Variants in RABEP2 observed in about 807,000 individuals in gnomAD.
RABEP2 encodes rabaptin, RAB GTPase binding effector protein 2.
Under a neutral mutation model 74.1 loss-of-function variants are expected in RABEP2, and 57 were observed. The ratio of observed to expected loss-of-function variants is 0.77; its 90% CI spans 0.62 to 0.96. The LOEUF (loss-of-function observed/expected upper bound fraction) is 0.96. RABEP2 is among the 40% of genes least tolerant of loss of function. RABEP2 has a pLI of 0.00. For missense variants in RABEP2, 692 were observed against 756.3 expected (o/e 0.91, Z 1.00); for synonymous variants, 351 against 344.0 (o/e 1.02, Z -0.23).
At chr16:28,905,568 G>A in intron 11 of RABEP2, 55 bp from the exon 12 acceptor site, 1 of 1,582,824 alleles carries the variant, frequency 6.3e-7, no homozygotes, top group South Asian at 1.1e-5. Context: ...GACCAGATGG[G>A]AGGGTGCATG....
Position 28,908,591 on chromosome 16 carries a change from T to C in RABEP2, c.1245+18A>G, listed in dbSNP as rs1364339662. On this transcript the variant is annotated intron_variant, in intron 8 of 12. Transcript: ENST00000358201. Reference sequence around the variant, plus strand: ...CCTCACGGTGGCTCCAGGCTCTCAGTGCCCACACTCAGCTTACTGGCACAG... The same window carrying C: ...CCTCACGGTGGCTCCAGGCTCTCAGCGCCCACACTCAGCTTACTGGCACAG... 2 of 1,594,450 alleles carry C rather than the reference T, an allele frequency of 1.3e-6. No homozygotes were observed. Among genetic ancestry groups the C allele is most frequent in the Non-Finnish European group, 1.7e-6 (2 of 1,170,048 alleles).
chr16:28,916,197 T>A (rs1175667832), intron 3 of RABEP2: 1 of 152,152 alleles, frequency 6.6e-6, no homozygotes, highest in Admixed American at 6.6e-5. Flanking sequence ...CTTTCTTTAT[T>A]CCTCCTTCTC....
intron 3 of RABEP2, among the ~76,000 whole-genome samples, chr16:28,916,969 C>T (rs185999457): frequency 2.8e-5 from 4 of 144,044 alleles, no homozygotes; most frequent in African/African-American, 7.8e-5. Flanking sequence ...AGCCTGGGGA[C>T]GGAGCAAGAC....
intron 1 of RABEP2, 74 bp from the exon 2 acceptor site, chr16:28,924,689 A>C: frequency 1.5e-6 from 2 of 1,372,334 alleles, no homozygotes; most frequent in Non-Finnish European, 2.0e-6. Context: ...AAGTCCTGCA[A>C]CCTAGTACTG....
intron 12 of RABEP2, 100 bp downstream of exon 12, chr16:28,905,297 A>T (rs1441842561): frequency 1.2e-6 from 1 of 860,404 alleles, no homozygotes; most frequent in Non-Finnish European, 1.9e-6. Context: ...CCCCAGGAGG[A>T]AGAAAGGACT....
At chr16:28,912,344 A>G (rs1964325734) in intron 5 of RABEP2, among the ~76,000 whole-genome samples, 1 of 149,804 alleles carries the variant, frequency 6.7e-6, no homozygotes, top group Non-Finnish European at 1.5e-5. Context: ...CCACAGTCCC[A>G]GCCTCTCAGC....
At chr16:28,913,100 T>C (rs549197671) in intron 5 of RABEP2, among the ~76,000 whole-genome samples, 6 of 152,148 alleles carry the variant, frequency 3.9e-5, no homozygotes, top group Non-Finnish European at 2.9e-5. Context: ...GTAGCTGGGA[T>C]TACAGGCATG....
chr16:28,912,012 C>T (rs1201292622), intron 5 of RABEP2, among the ~76,000 whole-genome samples: 1 of 151,470 alleles, frequency 6.6e-6, no homozygotes, highest in East Asian at 1.9e-4. Flanking sequence ...TTTGGGAGGC[C>T]GAGGTGGGCG....
At position 28,919,847 on chromosome 16, in the gene RABEP2, C is replaced by T. The variant is rs758567963; in HGVS notation, c.371G>A (p.Arg124His). The change falls in exon 3 of 13, where the codon CGC becomes CAC. Residue 124 changes from arginine to histidine, a missense_variant. Coordinates refer to ENST00000358201, the MANE Select transcript of RABEP2 (RefSeq NM_024816.3). ...DCEEKERELGRLKQLLSRAYP... is the reference protein window; with the variant it reads ...DCEEKERELGHLKQLLSRAYP... ...GGCCCGGGACAGCAGCTGCTTCAGGCGGCCCAGCTCCCGCTCCTTCTCCTC... is the reference window on the plus strand; with the variant it reads ...GGCCCGGGACAGCAGCTGCTTCAGGTGGCCCAGCTCCCGCTCCTTCTCCTC... 3.8e-5 allele frequency: 62 copies of T among 1,611,774 alleles called. No individual in the cohort carries two copies. The Admixed American group carries it at 7.8e-4, about 20-fold the overall frequency.
chr16:28,905,338 C>T, intron 12 of RABEP2, 59 bp downstream of exon 12: 1 of 1,272,896 alleles, frequency 7.9e-7, no homozygotes, highest in Non-Finnish European at 1.1e-6. Flanking sequence ...CTTGCAAGAC[C>T]CAGGAGAGGT....
At chr16:28,905,947 G>A (rs1261056961) in intron 9 of RABEP2, 69 bp from the exon 10 acceptor site, 1 of 1,612,502 alleles carries the variant, frequency 6.2e-7, no homozygotes, top group Non-Finnish European at 8.5e-7. Flanking sequence ...CCACGCCTGG[G>A]CCCCGGTGGC....
At chr16:28,905,908 G>A in intron 9 of RABEP2, 30 bp from the exon 10 acceptor site, 1 of 1,613,220 alleles carries the variant, frequency 6.2e-7, no homozygotes, top group Non-Finnish European at 8.5e-7. Context: ...AGAGGTCAAG[G>A]CCAGCCTCTC....
At chr16:28,919,762 C>T in intron 3 of RABEP2, 24 bp downstream of exon 3, 1 of 1,588,306 alleles carries the variant, frequency 6.3e-7, no homozygotes, top group South Asian at 1.1e-5. Flanking sequence ...CCCAGGGCAG[C>T]AGGGAAGCCA....
Position 28,914,495 on chromosome 16 carries a change from T to A in RABEP2, c.635A>T (p.Glu212Val), listed in dbSNP as rs758361119. ...GGCTGGACCCCCATCTCCGCTCAGC[T>A]CCTCCAGAGGCTCCAGCGGGGGCGA... Reference protein sequence around the residue: ...DPSPPLEPLEELSGDGGPAAE... With the variant: ...DPSPPLEPLEVLSGDGGPAAE... Residue 212 changes from glutamate to valine, a missense_variant, in exon 5 of 13, where the codon GAG becomes GTG. Coordinates refer to ENST00000358201, the MANE Select transcript of RABEP2 (RefSeq NM_024816.3). 13 of 1,612,988 alleles carry A rather than the reference T, an allele frequency of 8.1e-6. No homozygotes were observed. The highest frequency in any genetic ancestry group is 3.3e-4 in the Middle Eastern group (2 of 6,062).
intron 8 of RABEP2, among the ~76,000 whole-genome samples, chr16:28,907,617 A>G (rs1251602918): frequency 6.6e-6 from 1 of 151,664 alleles, no homozygotes; most frequent in Non-Finnish European, 1.5e-5. Context: ...ATCTATTTCT[A>G]ATCAATTTAT....
chr16:28,905,944 T>C, intron 9 of RABEP2, 66 bp from the exon 10 acceptor site: 1 of 1,612,652 alleles, frequency 6.2e-7, no homozygotes, highest in South Asian at 1.1e-5. Flanking sequence ...TGCCCACGCC[T>C]GGGCCCCGGT....
rs1033391857 is a variant in RABEP2, at chr16:28,910,812, G to A, written c.1089+76C>T. On this transcript the variant is annotated intron_variant, in intron 7 of 12. Transcript: ENST00000358201. Reference sequence around the variant, plus strand: ...CAGGACAGGTTCCTTGACTTCCCACGTGCCCCCTTCCACCACGTGCAACTG... The same window carrying A: ...CAGGACAGGTTCCTTGACTTCCCACATGCCCCCTTCCACCACGTGCAACTG... 2.1e-5 allele frequency: 27 copies of A among 1,290,394 alleles called. 1 individual carries two copies. Among genetic ancestry groups the A allele is most frequent in the Middle Eastern group, 3.8e-4 (2 of 5,306 alleles). 79.9% of individuals were successfully genotyped at this position (1,290,394 alleles called of 1,614,324 possible).
rs757611376 is a variant in RABEP2 at position 28,914,470 on chromosome 16, G to A, written c.660C>T (p.Ala220=). The change falls in exon 5 of 13, where the codon GCC becomes GCT. Residue 220 remains alanine, a synonymous_variant. Transcript: ENST00000358201. ...CGCAGTTGTGAGCGAAGGCCTCAGC[G>A]GCTGGACCCCCATCTCCGCTCAGCT... ...LEELSGDGGP[A]AEAFAHNCDD... 2.2e-5 allele frequency: 36 copies of A among 1,613,352 alleles called. No individual in the cohort carries two copies. In the East Asian group the frequency reaches 3.3e-4, roughly 15 times the overall value.
Position 28,925,113 on chromosome 16 carries a change from C to T in RABEP2, c.51G>A (p.Arg17=). 1 of 1,532,590 alleles carries T rather than the reference C, an allele frequency of 6.5e-7. No homozygotes were observed. Among genetic ancestry groups the T allele is most frequent in the Non-Finnish European group, 8.7e-7 (1 of 1,145,540 alleles). 94.9% of individuals were successfully genotyped at this position (1,532,590 alleles called of 1,614,324 possible). ...VAADDDERRR[R]PGAALEDSRS... ...CGCCCCCTCACGTACCAGCCCCCGG[C>T]CGCCGCCGCCGCTCATCGTCGTCCG... The change falls in exon 1 of 13, where the codon CGG becomes CGA. Residue 17 remains arginine, a synonymous_variant. Coordinates refer to ENST00000358201, the MANE Select transcript of RABEP2 (RefSeq NM_024816.3).
Sources: gnomAD v4.1 joint callset for allele counts (sites outside exome capture counted in the v4.1 genomes callset) on GRCh38, gnomAD v4.1.1 for gene constraint, MANE v1.5 for transcripts, NCBI Gene and HGNC (gene_info 2026-07-23, HGNC 2026-07-21) for gene names.